Variants in SYDE2 observed in about 807,000 individuals in gnomAD.
The protein encoded by SYDE2 is rho GTPase-activating protein SYDE2.
In SYDE2, 76 loss-of-function variants were observed where a neutral mutation model predicts 91.5. The observed-to-expected ratio is 0.83, with a 90% CI of 0.69 to 1.01. SYDE2 has a LOEUF of 1.01. Among genes scored for constraint, SYDE2 ranks in the 50% least tolerant of loss-of-function variants. SYDE2 has a pLI of 0.00. For missense variants in SYDE2, 1,364 were observed against 1,367.7 expected (o/e 1.00, Z 0.04); for synonymous variants, 513 against 506.4 (o/e 1.01, Z -0.18).
intron 4 of SYDE2, among the ~76,000 whole-genome samples, chr1:85,177,096 C>T (rs112259590): frequency 6.6e-6 from 1 of 152,096 alleles, no homozygotes; most frequent in African/African-American, 2.4e-5. Flanking sequence ...CATTCTGACT[C>T]CTTTCCTCTC....
intron 1 of SYDE2, chr1:85,194,691 G>T (rs1289606379): frequency 2.7e-6 from 1 of 371,928 alleles, no homozygotes; most frequent in Admixed American, 6.4e-5. Flanking sequence ...GCAATTAAAA[G>T]TTTTTCACTC....
intron 6 of SYDE2, among the ~76,000 whole-genome samples, chr1:85,163,695 G>A (rs1317019209): frequency 2.6e-5 from 4 of 151,412 alleles, no homozygotes; most frequent in Non-Finnish European, 4.4e-5. Context: ...ACCTGACCCC[G>A]GGGCCAAGCA....
rs1658008574 is a variant in SYDE2, at chr1:85,183,317, T to C, written c.1442-117A>G. 3 of 868,524 alleles carry C rather than the reference T, an allele frequency of 3.5e-6. No individual in the cohort carries two copies. In the East Asian group the frequency reaches 8.6e-5, roughly 25 times the overall value. 53.8% of individuals were successfully genotyped at this position (868,524 alleles called of 1,614,324 possible). On this transcript the variant is annotated intron_variant, in intron 2 of 6. Coordinates refer to ENST00000341460, the MANE Select transcript of SYDE2 (RefSeq NM_032184.2). ...ACATAGGCAGAAATTCTTCTCTTAT[T>C]TCATCTCAATGGGGAGATTTCATTA...
In SYDE2 at chr1:85,158,679, TG is replaced by T; in HGVS notation, c.*70del. ...GAGTAAAAAAATGAAAACATCGCTG[TG>T]GGTGGTATAAGAAAATAAAACAAAA... On this transcript the variant is annotated 3_prime_UTR_variant, in exon 7 of 7. Coordinates refer to ENST00000341460, the MANE Select transcript of SYDE2 (RefSeq NM_032184.2). The T allele has an allele frequency of 1.6e-6, 1 of 616,688 alleles. No individual in the cohort carries two copies. The highest frequency in any genetic ancestry group is 2.9e-5 in the East Asian group (1 of 34,788). The allele number at this position is 616,688 out of a possible 1,614,324, so 38.2% of individuals were successfully genotyped here.
At chr1:85,159,332 AATC>A (rs1007174161) in intron 6 of SYDE2, 83 bp from the exon 7 acceptor site, 4 of 705,808 alleles carry the variant, frequency 5.7e-6, no homozygotes, top group East Asian at 2.5e-5. Context: ...TAAGCCATTT[AATC>A]ATCAACTACA....
chr1:85,155,053 GAAAA>G (rs1656849110), downstream of SYDE2, among the ~76,000 whole-genome samples: 1 of 116,746 alleles, frequency 8.6e-6, no homozygotes, highest in Non-Finnish European at 1.9e-5. Context: ...AGAAAAGAAA[GAAAA>G]GAAAGAAAAA....
chr1:85,198,041 T>C (rs1002505396), intron 1 of SYDE2, among the ~76,000 whole-genome samples: 1 of 152,222 alleles, frequency 6.6e-6, no homozygotes, highest in Non-Finnish European at 1.5e-5. Context: ...TACCCCGCTA[T>C]GCCTTGTTGA....
chr1:85,182,104 G>C lies in SYDE2; in HGVS notation c.2538C>G (p.Gly846=). The C allele has an allele frequency of 6.3e-7, 1 of 1,582,600 alleles. No homozygotes were observed. Among genetic ancestry groups the C allele is most frequent in the South Asian group, 1.2e-5 (1 of 84,076 alleles). ...QKCIMEIEKR[G]CQVVGLYRLC... is the part of the protein sequence containing the mutation. ...AACCATAGTAAGATAATACCTGACA[G>C]CCTCTCTTTTCAATTTCCATAATAC... The change falls in exon 3 of 7, where the codon GGC becomes GGG. Residue 846 remains glycine (G), a synonymous_variant. Transcript: ENST00000341460.
At chr1:85,167,700 C>T (rs1010993175) in intron 5 of SYDE2, among the ~76,000 whole-genome samples, 2 of 152,172 alleles carry the variant, frequency 1.3e-5, no homozygotes, top group African/African-American at 4.8e-5. Context: ...ATAGCATGGG[C>T]CTTAGAGTCA....
At position 85,182,259 on chromosome 1, in the gene SYDE2, T is replaced by G; in HGVS notation, c.2383A>C (p.Met795Leu). 6.2e-7 allele frequency: 1 copy of G among 1,612,672 alleles called. No individual in the cohort carries two copies. The highest frequency in any genetic ancestry group is 8.5e-7 in the Non-Finnish European group (1 of 1,179,482). ...TGAAGAGAATTCTCCCACTGTTCCATAAGAGTCACTTTCACATAAATAAGA... is the reference window on the plus strand; with the variant it reads ...TGAAGAGAATTCTCCCACTGTTCCAGAAGAGTCACTTTCACATAAATAAGA... ...RGLIYVKVTL[M>L]EQWENSLHGL... Residue 795 changes from methionine (M) to leucine (L), a missense_variant, in exon 3 of 7, where the codon ATG (methionine) becomes CTG (leucine). Met to Leu is a conservative substitution (Grantham distance 15, BLOSUM62 2). Transcript: ENST00000341460.
downstream of SYDE2, chr1:85,153,047 C>T (rs1339811248): frequency 6.6e-6 from 1 of 152,136 alleles, no homozygotes; most frequent in East Asian, 1.9e-4. Flanking sequence ...GACATTTGAG[C>T]AGAGAAGCGA....
chr1:85,198,808 A>AGG (rs34263855), intron 1 of SYDE2, among the ~76,000 whole-genome samples: 19 of 150,526 alleles, frequency 1.3e-4, no homozygotes, highest in Admixed American at 5.3e-4. Flanking sequence ...ACTAAGCCAA[A>AGG]GGGGGGGAGG....
Position 85,200,878 on chromosome 1 carries a change from C to T in SYDE2, c.119G>A (p.Arg40His), listed in dbSNP as rs1447359999. The T allele has an allele frequency of 6.7e-6, 9 of 1,341,878 alleles. No individual in the cohort carries two copies. The highest frequency in any genetic ancestry group is 7.6e-6 in the Non-Finnish European group (8 of 1,056,506). 83.1% of individuals were successfully genotyped at this position (1,341,878 alleles called of 1,614,324 possible). A position where few individuals can be genotyped will look rare whatever the true frequency, so the allele number is the denominator to read the frequency against. The change falls in exon 1 of 7, where the codon CGC becomes CAC. Residue 40 changes from arginine to histidine, a missense_variant. Transcript: ENST00000341460. ...GQPPSRGAAY[R>H]RACPRDGERG... ...CTCCCCGTCCCGGGGGCAGGCTCGG[C>T]GGTACGCGGCGCCGCGGGAAGGCGG...
intron 2 of SYDE2, among the ~76,000 whole-genome samples, chr1:85,186,595 C>T (rs375782984): frequency 1.3e-4 from 19 of 151,692 alleles, no homozygotes; most frequent in Admixed American, 4.6e-4. Flanking sequence ...GGAGGCATCA[C>T]GCTACCTGAC....
At chr1:85,177,622 C>T (rs1219124621) in intron 4 of SYDE2, among the ~76,000 whole-genome samples, 1 of 152,132 alleles carries the variant, frequency 6.6e-6, no homozygotes, top group Non-Finnish European at 1.5e-5. Context: ...CTTACTACCT[C>T]TTTGCCTGGA....
chr1:85,178,257 G>A lies in SYDE2; in HGVS notation c.2560C>T (p.Arg854Ter), dbSNP rs753415774. ...KRGCQVVGLY[R>*]LCGSAAVKKE... Reference sequence around the variant, plus strand: ...TTGACTGCTGCCGAACCACATAATCGATACAGGCCTACTACCTAGGAATAA... The same window carrying A: ...TTGACTGCTGCCGAACCACATAATCAATACAGGCCTACTACCTAGGAATAA... Residue 854 changes from arginine to a stop codon, truncating the protein, a stop_gained, in exon 4 of 7, where the codon CGA (arginine) becomes TGA (stop). Coordinates refer to ENST00000341460, the MANE Select transcript of SYDE2 (RefSeq NM_032184.2). LOFTEE classifies it high-confidence loss of function. 3.8e-6 allele frequency: 6 copies of A among 1,576,240 alleles called. No homozygotes were observed. The highest frequency in any genetic ancestry group is 2.3e-5 in the East Asian group (1 of 43,372).
chr1:85,169,418 T>C (rs1386315014), intron 4 of SYDE2, among the ~76,000 whole-genome samples, 193 bp from the exon 5 acceptor site: 2 of 152,212 alleles, frequency 1.3e-5, no homozygotes, highest in East Asian at 3.8e-4. Flanking sequence ...ATTGACTTGT[T>C]TTGAAAGCAT....
At chr1:85,196,385 G>C (rs1658587877) in intron 1 of SYDE2, among the ~76,000 whole-genome samples, 1 of 152,084 alleles carries the variant, frequency 6.6e-6, no homozygotes. Context: ...AATTCATATG[G>C]ACATTAAGTT....
Position 85,190,242 on chromosome 1 carries a change from G to A in SYDE2, c.1256C>T (p.Thr419Ile). ...GSDLMKAERH[T>I]EDSLCSSEHA... ...TTCGGAAGAGCACAGTGAGTCTTCAGTATGCCGCTCTGCTTTCATCAGGTC... is the reference window on the plus strand; with the variant it reads ...TTCGGAAGAGCACAGTGAGTCTTCAATATGCCGCTCTGCTTTCATCAGGTC... Residue 419 changes from threonine (T) to isoleucine (I), a missense_variant, in exon 2 of 7, where the codon ACT becomes ATT. Transcript: ENST00000341460. 1 of 1,613,944 alleles carries A rather than the reference G, an allele frequency of 6.2e-7. No homozygotes were observed. Among genetic ancestry groups the A allele is most frequent in the Middle Eastern group, 1.6e-4 (1 of 6,062 alleles).
Sources: gnomAD v4.1 joint callset for allele counts (sites outside exome capture counted in the v4.1 genomes callset) on GRCh38, gnomAD v4.1.1 for gene constraint, MANE v1.5 for transcripts, NCBI Gene and HGNC (gene_info 2026-07-23, HGNC 2026-07-21) for gene names.